Variants in RFC3 observed in about 807,000 individuals in gnomAD.
RFC3 encodes A1 38 kDa subunit.
Under a neutral mutation model 45.1 loss-of-function variants are expected in RFC3, and 41 were observed. That is an observed-to-expected ratio of 0.91 (90% CI 0.71 to 1.18). RFC3 has a LOEUF of 1.18. Ranked by LOEUF, RFC3 falls within the 50% of genes most tolerant of loss-of-function variation. The pLI is 0.00. For synonymous variants in RFC3, 149 were observed against 144.0 expected, an observed-to-expected ratio of 1.03 and a Z score of -0.25; for missense variants, 423 against 428.1, an observed-to-expected ratio of 0.99 and a Z score of 0.10.
chr13:33,965,505 G>A (rs939509741), intron 8 of RFC3, among the ~76,000 whole-genome samples: 19 of 152,118 alleles, frequency 1.2e-4, no homozygotes, highest in Admixed American at 2.0e-4. Flanking sequence ...GTTCACACAA[G>A]GACAAAATCC....
chr13:33,925,435 CATACATA>C (rs2082802506), intron 8 of RFC3, among the ~76,000 whole-genome samples: 1 of 139,552 alleles, frequency 7.2e-6, no homozygotes, highest in Non-Finnish European at 1.5e-5. Flanking sequence ...TATATACATA[CATACATA>C]GTGTACTATA....
In RFC3 at chr13:33,936,923, T is replaced by G. The variant is rs376928631; in HGVS notation, c.880-29164T>G. Among the ~76,000 whole-genome samples, 359 of 152,278 alleles carry G rather than the reference T, an allele frequency of 2.4e-3. 1 individual carries two copies. Among genetic ancestry groups the G allele is most frequent in the African/African-American group, 8.2e-3 (340 of 41,556 alleles). On this transcript the variant is annotated intron_variant, in intron 8 of 8. Transcript: ENST00000434425. ...GTATAATTGACATAGGAAACACTAC[T>G]GTACTGTATACTTAAAATTTCCTAA...
chr13:33,864,153 TAAAC>T (rs1566007264), intron 8 of RFC3, among the ~76,000 whole-genome samples: 8 of 152,100 alleles, frequency 5.3e-5, no homozygotes. Flanking sequence ...CAGGCTCCTT[TAAAC>T]AAACAGGTCT....
At chr13:33,908,220 A>G (rs1219431908) in intron 8 of RFC3, among the ~76,000 whole-genome samples, 1 of 151,934 alleles carries the variant, frequency 6.6e-6, no homozygotes, top group Admixed American at 6.6e-5. Context: ...AGTTGTTTTA[A>G]AAGGATAATG....
chr13:33,822,598 AG>A (rs1230128587), intron 2 of RFC3, among the ~76,000 whole-genome samples: 1 of 152,188 alleles, frequency 6.6e-6, no homozygotes, highest in Admixed American at 6.5e-5. Context: ...AATGTGATAG[AG>A]GTGCTATTTC....
In RFC3 at chr13:33,818,280, G is replaced by C. The variant is rs763419199; in HGVS notation, c.87+15G>C. The C allele has an allele frequency of 2.5e-6, 4 of 1,611,532 alleles. No individual in the cohort carries two copies. Among genetic ancestry groups the C allele is most frequent in the East Asian group, 4.5e-5 (2 of 44,878 alleles). On this transcript the variant is annotated intron_variant, in intron 1 of 8. Coordinates refer to ENST00000380071, the MANE Select transcript of RFC3 (RefSeq NM_002915.4). ...TGCGGAACCTGGTGAGTCTGCGGGG[G>C]CCGGGAGCGTGGGAGAGGGGAGGCC...
At chr13:33,954,244 A>T (rs2083007464) in intron 8 of RFC3, among the ~76,000 whole-genome samples, 1 of 152,206 alleles carries the variant, frequency 6.6e-6, no homozygotes, top group African/African-American at 2.4e-5. Context: ...CTACATTTAC[A>T]TGACATCAAT....
At chr13:33,974,518 A>G in the RFC3 span, among the ~76,000 whole-genome samples, 1 of 152,190 alleles carries the variant, frequency 6.6e-6, no homozygotes, top group African/African-American at 2.4e-5. Context: ...TTTGTCATGA[A>G]TTAAGGATTC....
chr13:33,854,945 G>A (rs1402750075), intron 8 of RFC3, among the ~76,000 whole-genome samples: 1 of 120,020 alleles, frequency 8.3e-6, no homozygotes, highest in African/African-American at 2.8e-5. Flanking sequence ...CAAAACTTAA[G>A]TCATCCTGAT....
chr13:33,962,318 C>A (rs1020113049), intron 8 of RFC3, among the ~76,000 whole-genome samples: 6 of 152,148 alleles, frequency 3.9e-5, no homozygotes, highest in Non-Finnish European at 8.8e-5. Context: ...CTCAGGGTCC[C>A]AGCTCATCCT....
At chr13:33,912,429 T>C (rs911786626) in intron 8 of RFC3, among the ~76,000 whole-genome samples, 5 of 152,084 alleles carry the variant, frequency 3.3e-5, no homozygotes, top group African/African-American at 1.2e-4. Flanking sequence ...AAGGGCTTTC[T>C]AGAGGCACTA....
chr13:33,865,750 T>C (rs1308935535), intron 8 of RFC3, among the ~76,000 whole-genome samples: 1 of 152,116 alleles, frequency 6.6e-6, no homozygotes, highest in African/African-American at 2.4e-5. Context: ...ATAAACTTTA[T>C]CTGTCAGAAA....
intron 8 of RFC3, among the ~76,000 whole-genome samples, chr13:33,949,705 C>T (rs2082976901): frequency 6.6e-6 from 1 of 152,038 alleles, no homozygotes. Context: ...CTGGGTTTTT[C>T]TGTGAGGGTG....
intron 8 of RFC3, among the ~76,000 whole-genome samples, chr13:33,883,892 G>A (rs866026964): frequency 5.9e-5 from 9 of 151,884 alleles, no homozygotes; most frequent in African/African-American, 1.7e-4. Flanking sequence ...CATGACACAC[G>A]TTTACGTATG....
chr13:33,943,901 G>A (rs376901139), intron 8 of RFC3, among the ~76,000 whole-genome samples: 4 of 152,262 alleles, frequency 2.6e-5, no homozygotes, highest in African/African-American at 9.6e-5. Flanking sequence ...AAGCTTTCAA[G>A]GGGAGGTAAA....
chr13:33,846,989 C>T (rs750186394), intron 8 of RFC3: 2 of 152,254 alleles, frequency 1.3e-5, no homozygotes, highest in African/African-American at 4.8e-5. Context: ...GCAGCCTCCG[C>T]CTCCTAGGTT....
At chr13:33,877,351 A>G (rs912796870) in intron 8 of RFC3, among the ~76,000 whole-genome samples, 1 of 152,166 alleles carries the variant, frequency 6.6e-6, no homozygotes, top group African/African-American at 2.4e-5. Context: ...TTAAATGATC[A>G]CAGTGCTCCT....
chr13:33,825,546 T>C (rs2082041169), intron 3 of RFC3, among the ~76,000 whole-genome samples: 1 of 152,196 alleles, frequency 6.6e-6, no homozygotes, highest in Non-Finnish European at 1.5e-5. Flanking sequence ...TAGTAGTTGC[T>C]CTTTTTATGT....
chr13:33,825,968 G>GCTTCTCTCCTGTTCACTTTC, intron 4 of RFC3, 82 bp downstream of exon 4: 1 of 747,490 alleles, frequency 1.3e-6, no homozygotes, highest in Non-Finnish European at 2.1e-6. Flanking sequence ...AAGTGAACAG[G>GCTTCTCTCCTGTTCACTTTC]AGAGAAGCCT....
Sources: gnomAD v4.1 joint callset for allele counts (sites outside exome capture counted in the v4.1 genomes callset) on GRCh38, gnomAD v4.1.1 for gene constraint, MANE v1.5 for transcripts, NCBI Gene and HGNC (gene_info 2026-07-23, HGNC 2026-07-21) for gene names.